The following CFAP47 variants were observed in gnomAD, a reference collection of about 807,000 sequenced individuals.
The protein encoded by CFAP47 is cilia- and flagella-associated protein 47.
Under a neutral mutation model 148.1 loss-of-function variants are expected in CFAP47, and 29 were observed. The observed-to-expected ratio is 0.20, with a 90% CI of 0.15 to 0.27. The LOEUF is 0.27. CFAP47 is among the 10% of genes least tolerant of loss of function. The probability of loss-of-function intolerance (pLI) is 1.00; values close to 1 mark genes in which losing one functional copy is unlikely to be tolerated. For synonymous variants in CFAP47, 664 were observed against 577.3 expected, an observed-to-expected ratio of 1.15 and a Z score of -2.15; for missense variants, 1,872 against 1,697.5, an observed-to-expected ratio of 1.10 and a Z score of -1.81.
intron 45 of CFAP47, among the ~76,000 whole-genome samples, chrX:36,212,930 T>C (rs1165784153): frequency 9.0e-6 from 1 of 110,510 alleles, no homozygotes; most frequent in Admixed American, 9.7e-5. Flanking sequence ...CTGGCCAACA[T>C]GGCGAAACCC....
At chrX:36,193,413 T>A (rs889333714) in intron 42 of CFAP47, among the ~76,000 whole-genome samples, 2 of 111,841 alleles carry the variant, frequency 1.8e-5, no homozygotes, top group Non-Finnish European at 3.8e-5. Flanking sequence ...TATTTGAGGA[T>A]GCTTTCTTTT....
At chrX:36,359,773 C>T (rs781874268) in intron 60 of CFAP47, among the ~76,000 whole-genome samples, 10 of 110,836 alleles carry the variant, frequency 9.0e-5, no homozygotes, top group Admixed American at 5.8e-4. Flanking sequence ...TTTTTTGAGA[C>T]GGAATCTCGC....
intron 30 of CFAP47, among the ~76,000 whole-genome samples, chrX:36,097,074 T>A (rs1231916205): frequency 2.7e-5 from 3 of 111,529 alleles, no homozygotes; most frequent in African/African-American, 6.5e-5. Flanking sequence ...GATAACAACT[T>A]AACACAGTTT....
chrX:36,379,374 C>T lies in CFAP47; in HGVS notation c.9210C>T (p.His3070=), dbSNP rs782545025. The part of the protein sequence containing the change: ...QTRNPEPFTA[H]FLPGSDLEFF... ...GAAATCCTGAGCCGTTCACCGCACA[C>T]TTCCTACCTGGCAGCGATCTGGAGT... The change falls in exon 63 of 64, where the codon CAC becomes CAT. Residue 3070 remains histidine (H), a synonymous_variant. Transcript: ENST00000378653. The T allele has an allele frequency of 1.1e-5, 13 of 1,166,149 alleles. No individual in the cohort carries two copies. In the African/African-American group the frequency reaches 2.0e-4, roughly 18 times the overall value.
chrX:36,363,892 A>G (rs1556019699), intron 61 of CFAP47, among the ~76,000 whole-genome samples: 2 of 111,832 alleles, frequency 1.8e-5, no homozygotes, highest in Admixed American at 9.6e-5. Context: ...ACAAAAGCGT[A>G]TGAGAACAAT....
At chrX:35,999,320 G>T (rs184698484) in intron 19 of CFAP47, among the ~76,000 whole-genome samples, 23 of 111,862 alleles carry the variant, frequency 2.1e-4, no homozygotes, top group African/African-American at 7.1e-4. Context: ...TCCTTTAAAT[G>T]TTGTATGTAA....
At chrX:35,979,770 A>G (rs1936617558) in intron 15 of CFAP47, among the ~76,000 whole-genome samples, 2 of 111,821 alleles carry the variant, frequency 1.8e-5, no homozygotes, top group Non-Finnish European at 3.8e-5. Flanking sequence ...AGGAGAATGC[A>G]GTTCCAGTCT....
chrX:36,319,724 C>T (rs1941463120), intron 57 of CFAP47, among the ~76,000 whole-genome samples: 1 of 111,056 alleles, frequency 9.0e-6, no homozygotes, highest in Non-Finnish European at 1.9e-5. Context: ...TAAAAAGTAT[C>T]AGTAGTTTCA....
At chrX:36,311,059 C>T (rs1941390508) in intron 56 of CFAP47, 70 bp downstream of exon 56, 1 of 611,362 alleles carries the variant, frequency 1.6e-6, no homozygotes, top group Non-Finnish European at 2.4e-6. Flanking sequence ...ATCATAGAAT[C>T]AAAACATTTT....
chrX:36,331,476 T>A (rs1941565049), intron 57 of CFAP47, among the ~76,000 whole-genome samples: 1 of 111,352 alleles, frequency 9.0e-6, no homozygotes, highest in South Asian at 3.7e-4. Flanking sequence ...TCCTGAGTTA[T>A]AATAGCACAT....
intron 48 of CFAP47, among the ~76,000 whole-genome samples, chrX:36,240,164 A>G (rs1940524291): frequency 8.9e-6 from 1 of 111,837 alleles, no homozygotes; most frequent in Admixed American, 9.5e-5. Flanking sequence ...AAGTGGCTAT[A>G]TTACCTTACA....
At chrX:36,154,226 T>C (rs1418086113) in intron 37 of CFAP47, among the ~76,000 whole-genome samples, 2 of 112,363 alleles carry the variant, frequency 1.8e-5, no homozygotes, top group Non-Finnish European at 3.8e-5. Flanking sequence ...TTTTACTATA[T>C]GCATTCAATA....
intron 21 of CFAP47, among the ~76,000 whole-genome samples, chrX:36,013,354 G>T (rs1244367061): frequency 8.9e-6 from 1 of 111,734 alleles, no homozygotes; most frequent in Non-Finnish European, 1.9e-5. Context: ...GTCCATTTCG[G>T]GTTTTGAATC....
At chrX:36,000,254 T>A in intron 19 of CFAP47, 29 bp from the exon 20 acceptor site, 1 of 285,746 alleles carries the variant, frequency 3.5e-6, no homozygotes, top group Non-Finnish European at 6.1e-6. Flanking sequence ...TATTCTATTT[T>A]CTAATTATTT....
chrX:35,941,063 A>G (rs771356806), intron 2 of CFAP47, among the ~76,000 whole-genome samples: 1 of 111,997 alleles, frequency 8.9e-6, no homozygotes, highest in Admixed American at 9.5e-5. Flanking sequence ...ACTTAGATGC[A>G]TAAAGTCTCA....
chrX:36,094,631 C>G (rs2146786551), intron 30 of CFAP47, among the ~76,000 whole-genome samples: 1 of 110,816 alleles, frequency 9.0e-6, no homozygotes, highest in Non-Finnish European at 1.9e-5. Context: ...TTATTTGTGG[C>G]TATTGTAAAT....
At chrX:36,358,826 G>T (rs1941804883) in intron 60 of CFAP47, among the ~76,000 whole-genome samples, 1 of 111,404 alleles carries the variant, frequency 9.0e-6, no homozygotes, top group South Asian at 3.8e-4. Context: ...TGAGTAGAAG[G>T]AGTTTTCTCC....
chrX:36,143,886 CTCT>C (rs1368569494), intron 35 of CFAP47, among the ~76,000 whole-genome samples: 1 of 111,266 alleles, frequency 9.0e-6, no homozygotes, highest in African/African-American at 3.3e-5. Context: ...TGAATTGTTG[CTCT>C]TATTATGTTA....
rs1225836812 is a variant in CFAP47 at position 35,967,766 on chromosome X, T to A, written c.1748T>A (p.Met583Lys). Residue 583 changes from methionine to lysine, a missense_variant, in exon 10 of 64, where the codon ATG becomes AAG. Met to Lys is a moderately conservative substitution (Grantham distance 95). Transcript: ENST00000378653. ...HRSCEEPVKD[M>K]LLAFPNDRAA... ...TCATGTGAAGAGCCAGTGAAGGATATGCTATTAGCCTTTCCCAATGACCGA... is the reference window on the plus strand; with the variant it reads ...TCATGTGAAGAGCCAGTGAAGGATAAGCTATTAGCCTTTCCCAATGACCGA... 1.7e-6 allele frequency: 2 copies of A among 1,206,606 alleles called. No individual in the cohort carries two copies. Among genetic ancestry groups the A allele is most frequent in the African/African-American group, 3.5e-5 (2 of 56,679 alleles).
Sources: gnomAD v4.1 joint callset for allele counts (sites outside exome capture counted in the v4.1 genomes callset) on GRCh38, gnomAD v4.1.1 for gene constraint, MANE v1.5 for transcripts, NCBI Gene and HGNC (gene_info 2026-07-23, HGNC 2026-07-21) for gene names.